The following PHF19 variants were observed in gnomAD, a reference collection of about 807,000 sequenced individuals.
PHF19 encodes polycomb like 3.
Under a neutral mutation model 79.8 loss-of-function variants are expected in PHF19, and 21 were observed. The observed-to-expected ratio is 0.26, with a 90% CI of 0.19 to 0.38. PHF19 has a LOEUF of 0.38. Among genes scored for constraint, PHF19 ranks in the 10% least tolerant of loss-of-function variants. The pLI is 1.00. For synonymous variants in PHF19, 273 were observed against 296.3 expected (o/e 0.92, Z 0.81); for missense variants, 445 against 744.2 (o/e 0.60, Z 4.68).
chr9:120,890,499 T>C (rs1295472096), intron 1 of PHF19, among the ~76,000 whole-genome samples: 1 of 152,040 alleles, frequency 6.6e-6, no homozygotes, highest in Non-Finnish European at 1.5e-5. Flanking sequence ...GGCCACTGAA[T>C]TTCAGTAATT....
chr9:120,863,338 A>AACC (rs2045593833), intron 10 of PHF19, among the ~76,000 whole-genome samples: 1 of 151,882 alleles, frequency 6.6e-6, no homozygotes, highest in African/African-American at 2.4e-5. Context: ...AGGTGTCTGG[A>AACC]AGAGTTTCAG....
At chr9:120,858,764 C>G (rs1179285665) in intron 14 of PHF19, among the ~76,000 whole-genome samples, 2 of 149,824 alleles carry the variant, frequency 1.3e-5, no homozygotes, top group Non-Finnish European at 3.0e-5. Context: ...GGGTTAGGGA[C>G]TGAAGGACCC....
intron 1 of PHF19, chr9:120,876,374 T>C (rs2046051915): frequency 6.6e-6 from 1 of 151,666 alleles, no homozygotes; most frequent in Non-Finnish European, 1.5e-5. Context: ...ACACTTCCTC[T>C]CCCGCTGCGC....
chr9:120,903,365 C>T, the PHF19 span: 1 of 152,268 alleles, frequency 6.6e-6, no homozygotes, highest in Non-Finnish European at 1.5e-5. Context: ...AGCTGAAGGA[C>T]TAAGCATGAC....
chr9:120,894,528 A>C (rs1003343017), intron 1 of PHF19, among the ~76,000 whole-genome samples: 2 of 150,762 alleles, frequency 1.3e-5, no homozygotes, highest in Admixed American at 6.6e-5. Context: ...GACGCCTCCC[A>C]CCCGCCTCGT....
chr9:120,882,591 C>T (rs2046202132), intron 1 of PHF19, among the ~76,000 whole-genome samples: 1 of 152,080 alleles, frequency 6.6e-6, no homozygotes, highest in Non-Finnish European at 1.5e-5. Context: ...CCTGTAATCC[C>T]AGCACTTTGA....
chr9:120,864,221 T>C, intron 9 of PHF19, 105 bp from the exon 10 acceptor site: 2 of 910,082 alleles, frequency 2.2e-6, no homozygotes, highest in Non-Finnish European at 3.6e-6. Context: ...TCTGAGTCCT[T>C]CAGGTGAGGA....
Position 120,858,274 on chromosome 9 carries a change from GC to G in PHF19, c.1412del (p.Gly471AlafsTer112). ...TGGCTGCCAGCTTCCTCTTTCGGCT[GC>G]CCACTGTCCATCTGTATCAGAAGTG... ...SLSYDSRWTV[G>X]SRKRKLAAKA... On this transcript the variant is annotated frameshift_variant, in exon 15 of 15. Coordinates refer to ENST00000373896, the MANE Select transcript of PHF19 (RefSeq NM_015651.3). LOFTEE classifies it high-confidence loss of function. 1 of 1,537,450 alleles carries G rather than the reference GC, an allele frequency of 6.5e-7. No homozygotes were observed.
chr9:120,876,605 A>C (rs2131570300), intron 1 of PHF19, among the ~76,000 whole-genome samples: 1 of 152,078 alleles, frequency 6.6e-6, no homozygotes, highest in East Asian at 1.9e-4. Flanking sequence ...GGGCGGGGGC[A>C]GGAAGCGAGG....
At chr9:120,876,851 G>C (rs2046076151) in intron 1 of PHF19, 1 of 307,216 alleles carries the variant, frequency 3.3e-6, no homozygotes. Flanking sequence ...TTAAAGATCG[G>C]GGGCGAGGAA....
chr9:120,858,811 TCACACACACACACACA>T (rs56042039), intron 14 of PHF19, among the ~76,000 whole-genome samples: 10 of 122,890 alleles, frequency 8.1e-5, no homozygotes, highest in East Asian at 2.4e-4. Flanking sequence ...CTGACAGACA[TCACACACACACACACA>T]CACACACACA....
upstream of PHF19, chr9:120,877,450 C>A: frequency 1.4e-6 from 1 of 727,456 alleles, no homozygotes; most frequent in Non-Finnish European, 1.7e-6. Context: ...CGCCCCCGCC[C>A]GCCCCGCGGG....
At chr9:120,877,311 C>T, upstream of PHF19, 1 of 977,758 alleles carries the variant, frequency 1.0e-6, no homozygotes, top group Non-Finnish European at 1.2e-6. Context: ...CCCCCGGGCG[C>T]GGGGCGCCAT....
upstream of PHF19, among the ~76,000 whole-genome samples, chr9:120,881,866 A>G (rs2046191035): frequency 6.6e-6 from 1 of 151,988 alleles, no homozygotes; most frequent in Non-Finnish European, 1.5e-5. Flanking sequence ...GGTTCAAGCA[A>G]TTCTCCTGCC....
At chr9:120,892,885 C>A (rs2046360808) in intron 1 of PHF19, among the ~76,000 whole-genome samples, 1 of 152,194 alleles carries the variant, frequency 6.6e-6, no homozygotes, top group Admixed American at 6.5e-5. Flanking sequence ...GGGCCTTGCA[C>A]AGAGCAGGTG....
chr9:120,863,959 A>T, intron 10 of PHF19, 90 bp downstream of exon 10: 1 of 1,021,326 alleles, frequency 9.8e-7, no homozygotes, highest in Non-Finnish European at 1.5e-6. Context: ...TCAGAGAGGC[A>T]GGGAGCATAG....
At chr9:120,899,308 C>T (rs1233063586), upstream of PHF19, among the ~76,000 whole-genome samples, 1 of 151,822 alleles carries the variant, frequency 6.6e-6, no homozygotes, top group Non-Finnish European at 1.5e-5. Context: ...ACCATCCTGG[C>T]TAACATGGTG....
In PHF19 at chr9:120,873,839, ATC is replaced by A. The variant is rs1383856559; in HGVS notation, c.268+138_268+139del. 45 of 629,652 alleles carry A rather than the reference ATC, an allele frequency of 7.1e-5. 1 individual carries two copies. Among genetic ancestry groups the A allele is most frequent in the South Asian group, 4.8e-4 (26 of 53,620 alleles). 39.0% of individuals were successfully genotyped at this position (629,652 alleles called of 1,614,324 possible). A position where few individuals can be genotyped will look rare whatever the true frequency, so the allele number is the denominator to read the frequency against. On this transcript the variant is annotated intron_variant, in intron 3 of 14. Coordinates refer to ENST00000373896, the MANE Select transcript of PHF19 (RefSeq NM_015651.3). ...CAATATACAACCAGATTTGATCATC[ATC>A]ACAGGTGGGCTTGGGGTTCATGGTC...
At chr9:120,868,944 CCCACCT>C in intron 6 of PHF19, 3 of 662,978 alleles carry the variant, frequency 4.5e-6, no homozygotes, top group Non-Finnish European at 5.9e-6. Context: ...CCCTCGAGGC[CCCACCT>C]CCGCAGCGGC....
Sources: gnomAD v4.1 joint callset for allele counts (sites outside exome capture counted in the v4.1 genomes callset) on GRCh38, gnomAD v4.1.1 for gene constraint, MANE v1.5 for transcripts, NCBI Gene and HGNC (gene_info 2026-07-23, HGNC 2026-07-21) for gene names.